CCDC32: variants seen among roughly 807,000 people sequenced by gnomAD.
The protein encoded by CCDC32 is coiled-coil domain-containing protein 32.
In CCDC32, 9 loss-of-function variants were observed where a neutral mutation model predicts 20.1. The ratio of observed to expected loss-of-function variants is 0.45; its 90% CI spans 0.27 to 0.78. The LOEUF (loss-of-function observed/expected upper bound fraction) is 0.78, where lower values mean the gene tolerates loss of function less well. CCDC32 is among the 30% of genes least tolerant of loss of function. The pLI, the probability that CCDC32 is intolerant of heterozygous loss-of-function variation, is 0.16. For synonymous variants in CCDC32, 63 were observed against 79.0 expected (o/e 0.80, Z 1.07); for missense variants, 204 against 215.5 (o/e 0.95, Z 0.33).
downstream of CCDC32, among the ~76,000 whole-genome samples, chr15:40,523,827 A>C (rs1215523766): frequency 3.3e-5 from 5 of 152,206 alleles, no homozygotes. Flanking sequence ...GAACAATTAG[A>C]ACTCTCATTC....
chr15:40,553,905 CGTGTGTGTGTGTGTGTGTGTGTGTGTGT>C lies in CCDC32; in HGVS notation c.*38_*65del, dbSNP rs60438611. 1.2e-3 allele frequency: 1,777 copies of C among 1,435,416 alleles called. 4 individuals are homozygous for C. In the East Asian group the frequency reaches 0.03, roughly 24 times the overall value. 88.9% of individuals were successfully genotyped at this position (1,435,416 alleles called of 1,614,324 possible). On this transcript the variant is annotated 3_prime_UTR_variant, in exon 4 of 4. Coordinates refer to ENST00000416810, the MANE Select transcript of CCDC32 (RefSeq NM_001080792.4). ...CTCTGGACCCGAGACAGCTGCTCGG[CGTGTGTGTGTGTGTGTGTGTGTGTGTGT>C]GTGTGTGTGTGTGTGTGTGTGTGTG...
the CCDC32 span, among the ~76,000 whole-genome samples, chr15:40,521,437 C>G: frequency 6.6e-6 from 1 of 152,036 alleles, no homozygotes; most frequent in African/African-American, 2.4e-5. Context: ...TTTATTTATC[C>G]ATCCATCAAT....
At chr15:40,551,809 C>CAAAAAAAA (rs59499493), downstream of CCDC32, among the ~76,000 whole-genome samples, 9 of 96,356 alleles carry the variant, frequency 9.3e-5, no homozygotes, top group Middle Eastern at 5.2e-3. Context: ...GACCCTGTCT[C>CAAAAAAAA]AAAAAAAAAA....
In CCDC32 at chr15:40,553,894, C is replaced by G. The variant is rs1890036910; in HGVS notation, c.*77G>C. 2.1e-6 allele frequency: 3 copies of G among 1,436,820 alleles called. No homozygotes were observed. The highest frequency in any genetic ancestry group is 2.8e-5 in the African/African-American group (2 of 70,524). The allele number at this position is 1,436,820 out of a possible 1,614,324, so 89.0% of individuals were successfully genotyped here. On this transcript the variant is annotated 3_prime_UTR_variant, in exon 4 of 4. Transcript: ENST00000416810. ...CACGCTGCTCGCTCTGGACCCGAGA[C>G]AGCTGCTCGGCGTGTGTGTGTGTGT... is the stretch of plus-strand genomic sequence containing the variant.
downstream of CCDC32, among the ~76,000 whole-genome samples, chr15:40,527,410 A>G (rs1166037179): frequency 2.0e-5 from 3 of 152,172 alleles, no homozygotes; most frequent in African/African-American, 7.2e-5. Flanking sequence ...ATCTCAAGCG[A>G]TCCACCTGCC....
chr15:40,541,409 T>G (rs1595886167), intron 3 of CCDC32, among the ~76,000 whole-genome samples: 1 of 151,792 alleles, frequency 6.6e-6, no homozygotes, highest in Non-Finnish European at 1.5e-5. Context: ...CTCGGCTCAC[T>G]GCAACCTCCG....
At chr15:40,550,043 G>A (rs972811179), downstream of CCDC32, among the ~76,000 whole-genome samples, 1 of 152,172 alleles carries the variant, frequency 6.6e-6, no homozygotes, top group Non-Finnish European at 1.5e-5. Context: ...ATCAGGTATT[G>A]GATGCATGCC....
chr15:40,557,173 A>T, intron 3 of CCDC32, 43 bp downstream of exon 3: 1 of 1,571,986 alleles, frequency 6.4e-7, no homozygotes. Context: ...GAACAACTAC[A>T]TAAAGGATGA....
At chr15:40,539,429 CAA>C in intron 3 of CCDC32, 1 of 1,287,180 alleles carries the variant, frequency 7.8e-7, no homozygotes, top group Non-Finnish European at 1.1e-6. Flanking sequence ...CTAACAGAGT[CAA>C]AGAGAGACAG....
chr15:40,553,449 A>G lies in CCDC32; in HGVS notation c.*522T>C, dbSNP rs1240797837. ...TCCGTATACTTACTACAGATTTGTT[A>G]GAGAAGCCCCAGATGGGGCTTGGAT... On this transcript the variant is annotated 3_prime_UTR_variant, in exon 4 of 4. Coordinates refer to ENST00000416810, the MANE Select transcript of CCDC32 (RefSeq NM_001080792.4). 1 of 985,968 alleles carries G rather than the reference A, an allele frequency of 1.0e-6. No homozygotes were observed. The highest frequency in any genetic ancestry group is 1.2e-6 in the Non-Finnish European group (1 of 830,334). 61.1% of individuals were successfully genotyped at this position (985,968 alleles called of 1,614,324 possible).
chr15:40,545,751 C>T (rs925195844), intron 3 of CCDC32, among the ~76,000 whole-genome samples: 1 of 152,160 alleles, frequency 6.6e-6, no homozygotes, highest in Non-Finnish European at 1.5e-5. Flanking sequence ...CCCACTACTA[C>T]CTGCTGAGAG....
intron 3 of CCDC32, among the ~76,000 whole-genome samples, chr15:40,539,880 A>ACACACACACACACACACACC (rs769226221): frequency 7.9e-5 from 11 of 139,140 alleles, no homozygotes; most frequent in African/African-American, 1.6e-4. Flanking sequence ...ACACACACAC[A>ACACACACACACACACACACC]CCCCGCTCCT....
chr15:40,521,203 T>C, the CCDC32 span, among the ~76,000 whole-genome samples: 1 of 152,172 alleles, frequency 6.6e-6, no homozygotes. Context: ...CAACTGTATT[T>C]TCATCACCCC....
chr15:40,539,582 C>T (rs1035727926), intron 3 of CCDC32, among the ~76,000 whole-genome samples: 9 of 152,094 alleles, frequency 5.9e-5, no homozygotes, highest in Admixed American at 1.3e-4. Context: ...ACAGGGGACA[C>T]GGGGGCCCGT....
At chr15:40,559,879 G>A (rs1489475039) in intron 2 of CCDC32, among the ~76,000 whole-genome samples, 1 of 152,162 alleles carries the variant, frequency 6.6e-6, no homozygotes, top group Non-Finnish European at 1.5e-5. Flanking sequence ...AAACTGGCTA[G>A]CCACCTGTAG....
At chr15:40,548,309 C>A (rs148268277), downstream of CCDC32, among the ~76,000 whole-genome samples, 27 of 152,350 alleles carry the variant, frequency 1.8e-4, no homozygotes, top group African/African-American at 6.3e-4. Context: ...AACCACCTCA[C>A]AGCTGGTCTC....
At chr15:40,536,245 T>C (rs1889103557), downstream of CCDC32, 1 of 152,290 alleles carries the variant, frequency 6.6e-6, no homozygotes, top group African/African-American at 2.4e-5. Context: ...TGAGCAGTAA[T>C]TAAGACTGTG....
At chr15:40,552,627 TA>T (rs1889939007), downstream of CCDC32, among the ~76,000 whole-genome samples, 1 of 151,668 alleles carries the variant, frequency 6.6e-6, no homozygotes, top group African/African-American at 2.4e-5. Context: ...GAGCAAACAA[TA>T]GCCGGGTGTA....
At chr15:40,532,894 G>A (rs1290671779), downstream of CCDC32, among the ~76,000 whole-genome samples, 1 of 151,386 alleles carries the variant, frequency 6.6e-6, no homozygotes, top group Non-Finnish European at 1.5e-5. Flanking sequence ...GTAGAGGTAG[G>A]GGGTTTCACC....
Sources: gnomAD v4.1 joint callset for allele counts (sites outside exome capture counted in the v4.1 genomes callset) on GRCh38, gnomAD v4.1.1 for gene constraint, MANE v1.5 for transcripts, NCBI Gene and HGNC (gene_info 2026-07-23, HGNC 2026-07-21) for gene names.